The following SHTN1 variants were observed in gnomAD, a reference collection of about 807,000 sequenced individuals.
SHTN1 encodes the protein shootin 1, also known as shootin-1.
Under a neutral mutation model 83.1 loss-of-function variants are expected in SHTN1, and 42 were observed. That is an observed-to-expected ratio of 0.51 (90% CI 0.39 to 0.65). SHTN1 has a LOEUF of 0.65. SHTN1 is among the 30% of genes least tolerant of loss of function. The pLI is 0.00. For synonymous variants in SHTN1, 224 were observed against 247.7 expected (o/e 0.90, Z 0.90); for missense variants, 622 against 737.8 (o/e 0.84, Z 1.82).
At chr10:116,978,483 T>C (rs192220738) in intron 2 of SHTN1, among the ~76,000 whole-genome samples, 118 of 152,162 alleles carry the variant, frequency 7.8e-4, no homozygotes, top group African/African-American at 2.7e-3. Flanking sequence ...ATTTTTTTTA[T>C]ATCTAAAACC....
At chr10:117,124,529 T>C (rs964941504) in intron 1 of SHTN1, among the ~76,000 whole-genome samples, 2 of 152,122 alleles carry the variant, frequency 1.3e-5, no homozygotes, top group Non-Finnish European at 2.9e-5. Context: ...TCCCACCACT[T>C]TGGGAGGCCG....
At position 116,979,245 on chromosome 10, in the gene SHTN1, A is replaced by G. The variant is rs1210801781; in HGVS notation, c.111+11T>C. The G allele has an allele frequency of 3.1e-6, 5 of 1,611,060 alleles. No homozygotes were observed. The highest frequency in any genetic ancestry group is 1.3e-5 in the African/African-American group (1 of 74,852). On this transcript the variant is annotated intron_variant, in intron 2 of 16. Transcript: ENST00000355371. ...ATGTAAGAAAGGGGAAAAAAAAGGT[A>G]AAGTACAAACCTTCTCCTTTGTTTT... is the stretch of plus-strand genomic sequence containing the variant.
rs1847690217 is a variant in SHTN1, at chr10:116,900,430, G to A, written c.1673+1335C>T. 4.9e-6 allele frequency: 5 copies of A among 1,025,370 alleles called. No individual in the cohort carries two copies. The South Asian group carries it at 7.0e-5, about 14-fold the overall frequency. The allele number at this position is 1,025,370 out of a possible 1,614,324, so 63.5% of individuals were successfully genotyped here. ...TCAACACATATTTTGCAGACCTTGG[G>A]CCTGCAATTATTTCATTTCCTTTCT... On this transcript the variant is annotated intron_variant, in intron 16 of 16. Coordinates refer to ENST00000355371, the MANE Select transcript of SHTN1 (RefSeq NM_001127211.3).
rs1218317145 is a variant in SHTN1 at position 116,885,132 on chromosome 10, A to G, written c.*1212T>C. 1 of 152,628 alleles carries G rather than the reference A, an allele frequency of 6.6e-6. No homozygotes were observed. Among genetic ancestry groups the G allele is most frequent in the Non-Finnish European group, 1.5e-5 (1 of 68,028 alleles). 9.5% of individuals were successfully genotyped at this position (152,628 alleles called of 1,614,324 possible). On this transcript the variant is annotated 3_prime_UTR_variant, in exon 17 of 17. Transcript: ENST00000355371. The stretch of plus-strand genomic sequence containing the variant: ...TACCACACGTGCAAAAATACAATAC[A>G]ATACAACTACTGCAATTATTACTAT...
At chr10:116,892,201 T>C (rs1337505191) in intron 16 of SHTN1, among the ~76,000 whole-genome samples, 2 of 152,174 alleles carry the variant, frequency 1.3e-5, no homozygotes, top group Non-Finnish European at 1.5e-5. Flanking sequence ...TAGGGAGCCT[T>C]GTAGCTTGTA....
upstream of SHTN1, chr10:117,005,254 C>A: frequency 6.2e-6 from 9 of 1,458,134 alleles, no homozygotes; most frequent in Non-Finnish European, 8.1e-6. Flanking sequence ...CATCCCCACG[C>A]ACCTACTCGG....
chr10:116,982,511 A>T (rs913213329), intron 1 of SHTN1, among the ~76,000 whole-genome samples: 1 of 152,170 alleles, frequency 6.6e-6, no homozygotes, highest in Non-Finnish European at 1.5e-5. Context: ...TATATTACTC[A>T]GCTCCTTTTT....
intron 15 of SHTN1, among the ~76,000 whole-genome samples, chr10:116,903,674 C>G (rs1464220082): frequency 2.6e-5 from 4 of 152,150 alleles, no homozygotes; most frequent in Non-Finnish European, 5.9e-5. Context: ...TCAAGATTTG[C>G]TTCTGATCAG....
chr10:117,071,294 T>G (rs1436574906), intron 1 of SHTN1, among the ~76,000 whole-genome samples: 1 of 151,342 alleles, frequency 6.6e-6, no homozygotes, highest in African/African-American at 2.4e-5. Context: ...GAATCTCCTG[T>G]GTAACTATAA....
chr10:116,985,270 A>C (rs1782646788), intron 1 of SHTN1, among the ~76,000 whole-genome samples: 1 of 152,210 alleles, frequency 6.6e-6, no homozygotes, highest in Admixed American at 6.5e-5. Flanking sequence ...AGGCAAAACA[A>C]TCCAAATATT....
chr10:117,125,463 C>G (rs1853989177), intron 1 of SHTN1, among the ~76,000 whole-genome samples: 1 of 152,138 alleles, frequency 6.6e-6, no homozygotes, highest in African/African-American at 2.4e-5. Context: ...GTTTACTAAC[C>G]TTTCTCACCT....
intron 1 of SHTN1, among the ~76,000 whole-genome samples, chr10:117,107,051 A>G (rs1314021838): frequency 6.6e-6 from 1 of 152,222 alleles, no homozygotes; most frequent in Non-Finnish European, 1.5e-5. Context: ...GAGAATAGTC[A>G]AAAACCTCCA....
At chr10:117,033,559 A>C (rs1852451398) in intron 2 of SHTN1, among the ~76,000 whole-genome samples, 1 of 152,150 alleles carries the variant, frequency 6.6e-6, no homozygotes, top group Admixed American at 6.5e-5. Flanking sequence ...AGTAAAGAAA[A>C]CCTGGGACCT....
intron 2 of SHTN1, among the ~76,000 whole-genome samples, chr10:117,020,753 A>C (rs1008417069): frequency 1.3e-5 from 2 of 152,148 alleles, no homozygotes; most frequent in Non-Finnish European, 2.9e-5. Context: ...ACCTGAGGGA[A>C]GCAAAAGTTT....
chr10:117,077,869 T>C (rs1853183882), intron 1 of SHTN1, among the ~76,000 whole-genome samples: 1 of 152,168 alleles, frequency 6.6e-6, no homozygotes, highest in African/African-American at 2.4e-5. Flanking sequence ...GGATGAATCA[T>C]CAACTGTATT....
intron 1 of SHTN1, among the ~76,000 whole-genome samples, chr10:116,990,287 C>CTTTTTTT (rs11399364): frequency 4.8e-4 from 58 of 119,824 alleles, no homozygotes; most frequent in Non-Finnish European, 5.8e-4. Flanking sequence ...TTTTTTCTTT[C>CTTTTTTT]TTTTTTTTTT....
chr10:116,943,920 C>A (rs539701662), intron 8 of SHTN1, among the ~76,000 whole-genome samples: 6 of 152,248 alleles, frequency 3.9e-5, no homozygotes, highest in African/African-American at 1.4e-4. Flanking sequence ...TCCTCATCCC[C>A]CTGGATGAGC....
intron 3 of SHTN1, among the ~76,000 whole-genome samples, chr10:116,965,708 G>A (rs568371143): frequency 6.6e-6 from 1 of 152,312 alleles, no homozygotes; most frequent in South Asian, 2.1e-4. Flanking sequence ...TGATGAGATG[G>A]TGGTAGTAGC....
In SHTN1 at chr10:116,884,120, G is replaced by A. The variant is rs1177597166; in HGVS notation, c.*2224C>T. On this transcript the variant is annotated 3_prime_UTR_variant, in exon 17 of 17. Coordinates refer to ENST00000355371, the MANE Select transcript of SHTN1 (RefSeq NM_001127211.3). The stretch of plus-strand genomic sequence containing the variant: ...CTTTTAGAGAAATCAAAAACATAAA[G>A]ATGCAGTCTTTTCCAACTTAAAATT... The A allele has an allele frequency of 7.1e-6, 3 of 424,344 alleles. No individual in the cohort carries two copies. Among genetic ancestry groups the A allele is most frequent in the Non-Finnish European group, 1.5e-5 (3 of 206,676 alleles). 26.3% of individuals were successfully genotyped at this position (424,344 alleles called of 1,614,324 possible).
Sources: gnomAD v4.1 joint callset for allele counts (sites outside exome capture counted in the v4.1 genomes callset) on GRCh38, gnomAD v4.1.1 for gene constraint, MANE v1.5 for transcripts, NCBI Gene and HGNC (gene_info 2026-07-23, HGNC 2026-07-21) for gene names.